The following BNC2 variants were observed in gnomAD, a reference collection of about 807,000 sequenced individuals.
BNC2 encodes the protein zinc finger protein basonuclin-2.
BNC2 carries 20 observed loss-of-function variants against 76.3 expected under a neutral mutation model. The ratio of observed to expected loss-of-function variants is 0.26; its 90% CI spans 0.18 to 0.38. BNC2 has a LOEUF of 0.38. Among genes scored for constraint, BNC2 ranks in the 10% least tolerant of loss-of-function variants. The pLI is 1.00. For missense variants in BNC2, 1,382 were observed against 1,399.8 expected (o/e 0.99, Z 0.20); for synonymous variants, 582 against 514.8 (o/e 1.13, Z -1.77).
chr9:16,584,337 A>G (rs987777159), intron 3 of BNC2, among the ~76,000 whole-genome samples: 1 of 152,190 alleles, frequency 6.6e-6, no homozygotes, highest in Non-Finnish European at 1.5e-5. Flanking sequence ...AGTATTTTGG[A>G]TATTGTTAAC....
chr9:16,522,965 T>G (rs1817667663), intron 5 of BNC2, among the ~76,000 whole-genome samples: 1 of 152,160 alleles, frequency 6.6e-6, no homozygotes, highest in South Asian at 2.1e-4. Context: ...TAAAGAAAGC[T>G]GGATGCTCCA....
At chr9:16,614,783 C>CA (rs1253947509) in intron 3 of BNC2, among the ~76,000 whole-genome samples, 4 of 151,470 alleles carry the variant, frequency 2.6e-5, no homozygotes, top group Non-Finnish European at 1.5e-5. Flanking sequence ...CCTGTCTCTA[C>CA]AAAAAAATAA....
At chr9:16,438,252 G>A (rs1563783917) in intron 5 of BNC2, among the ~76,000 whole-genome samples, 1 of 152,088 alleles carries the variant, frequency 6.6e-6, no homozygotes, top group Non-Finnish European at 1.5e-5. Context: ...GTTTGAGTTA[G>A]ACTTAATGTA....
chr9:16,507,036 G>A (rs554646270), intron 5 of BNC2, among the ~76,000 whole-genome samples: 1 of 152,188 alleles, frequency 6.6e-6, no homozygotes, highest in South Asian at 2.1e-4. Flanking sequence ...TTACAGGCAT[G>A]AGCCACCAAG....
chr9:16,575,650 A>G (rs749576654), intron 4 of BNC2, among the ~76,000 whole-genome samples: 5 of 152,332 alleles, frequency 3.3e-5, no homozygotes, highest in Non-Finnish European at 7.3e-5. Context: ...GCTTATCAGC[A>G]GTGATCAGCA....
rs144762699 is a variant in BNC2 at position 16,787,749 on chromosome 9, C to T, written c.4-49264G>A. Among the ~76,000 whole-genome samples the T allele has an allele frequency of 5.5e-3, 834 of 152,252 alleles. 16 individuals carry two copies. Among genetic ancestry groups the T allele is most frequent in the African/African-American group, 0.019 (799 of 41,540 alleles). On this transcript the variant is annotated intron_variant, in intron 1 of 6. Coordinates refer to ENST00000380672, the MANE Select transcript of BNC2 (RefSeq NM_017637.6). ...CTTCTTTGTAGAGACGAGGGTCTCA[C>T]TTTGTTGCCCGGGCTGGTCTTGAAC...
intron 3 of BNC2, among the ~76,000 whole-genome samples, chr9:16,656,517 A>T (rs1241033431): frequency 6.6e-6 from 1 of 152,190 alleles, no homozygotes; most frequent in East Asian, 1.9e-4. Flanking sequence ...GCTGAGGTAT[A>T]ACTGGTATAC....
At chr9:16,429,099 A>C (rs1820856636) in intron 6 of BNC2, among the ~76,000 whole-genome samples, 1 of 152,282 alleles carries the variant, frequency 6.6e-6, no homozygotes, top group East Asian at 1.9e-4. Context: ...ACATTCATTT[A>C]TTTGAAGCTT....
chr9:16,757,739 T>C (rs756632179), intron 1 of BNC2, among the ~76,000 whole-genome samples: 3 of 148,400 alleles, frequency 2.0e-5, no homozygotes, highest in East Asian at 1.9e-4. Flanking sequence ...AAAAAAAGCA[T>C]ACTTGCAAGG....
At chr9:16,598,245 C>A (rs925518031) in intron 3 of BNC2, among the ~76,000 whole-genome samples, 1 of 152,038 alleles carries the variant, frequency 6.6e-6, no homozygotes, top group Admixed American at 6.6e-5. Context: ...TAAGTATGAT[C>A]TGACTGGGGA....
intron 6 of BNC2, among the ~76,000 whole-genome samples, chr9:16,420,021 A>G (rs1360359806): frequency 1.3e-5 from 2 of 152,208 alleles, no homozygotes; most frequent in Non-Finnish European, 2.9e-5. Context: ...ATTAAATAGG[A>G]TAAAAGAATA....
intron 3 of BNC2, among the ~76,000 whole-genome samples, chr9:16,604,919 A>G (rs1045773154): frequency 2.0e-5 from 3 of 152,198 alleles, no homozygotes; most frequent in Non-Finnish European, 4.4e-5. Context: ...TGTGGGTGTC[A>G]GTCTGTTTTT....
chr9:16,825,861 T>TA (rs1244358809), intron 1 of BNC2, among the ~76,000 whole-genome samples: 1 of 151,496 alleles, frequency 6.6e-6, no homozygotes, highest in Non-Finnish European at 1.5e-5. Flanking sequence ...CACCTGAGCA[T>TA]AACTGTATTT....
intron 5 of BNC2, among the ~76,000 whole-genome samples, chr9:16,511,351 T>C (rs1391766757): frequency 6.6e-6 from 1 of 151,566 alleles, no homozygotes; most frequent in Admixed American, 6.6e-5. Context: ...ACTCAAGGGA[T>C]TGTCCCACCT....
intron 5 of BNC2, among the ~76,000 whole-genome samples, chr9:16,500,432 A>C (rs1822494100): frequency 6.6e-6 from 1 of 152,180 alleles, no homozygotes; most frequent in Non-Finnish European, 1.5e-5. Flanking sequence ...AAGAACAAAC[A>C]ATTTTTTTCT....
chr9:16,599,949 C>A (rs1231130381), intron 3 of BNC2, among the ~76,000 whole-genome samples: 1 of 152,156 alleles, frequency 6.6e-6, no homozygotes, highest in Non-Finnish European at 1.5e-5. Flanking sequence ...ACACACAAAC[C>A]AGCTTTGCTG....
intron 2 of BNC2, among the ~76,000 whole-genome samples, chr9:16,729,142 T>C (rs1044873439): frequency 2.6e-5 from 4 of 152,252 alleles, no homozygotes; most frequent in African/African-American, 4.8e-5. Context: ...ACTATTCACC[T>C]ATTTATTAGA....
intron 1 of BNC2, among the ~76,000 whole-genome samples, chr9:16,817,242 G>T (rs1818208156): frequency 6.6e-6 from 1 of 150,538 alleles, no homozygotes; most frequent in African/African-American, 2.4e-5. Context: ...GGAATAAGAG[G>T]ATCTAGAAAC....
At chr9:16,832,809 C>T (rs1346151889) in intron 1 of BNC2, among the ~76,000 whole-genome samples, 12 of 152,052 alleles carry the variant, frequency 7.9e-5, no homozygotes, top group Admixed American at 7.9e-4. Context: ...TACTGCAACC[C>T]CCGCCCACTG....
Sources: gnomAD v4.1 joint callset for allele counts (sites outside exome capture counted in the v4.1 genomes callset) on GRCh38, gnomAD v4.1.1 for gene constraint, MANE v1.5 for transcripts, NCBI Gene and HGNC (gene_info 2026-07-23, HGNC 2026-07-21) for gene names.